The following TPTE2 variants were observed in gnomAD, a reference collection of about 807,000 sequenced individuals.
The protein encoded by TPTE2 is transmembrane phosphoinositide 3-phosphatase and tensin homolog 2.
A neutral mutation model predicts 78.6 loss-of-function variants in TPTE2; 53 were observed. The ratio of observed to expected loss-of-function variants is 0.67; its 90% CI spans 0.54 to 0.85. The LOEUF (loss-of-function observed/expected upper bound fraction) is 0.85. TPTE2 is among the 40% of genes least tolerant of loss of function. The probability of loss-of-function intolerance (pLI) is 0.00; values close to 1 mark genes in which losing one functional copy is unlikely to be tolerated. For synonymous variants in TPTE2, 175 were observed against 206.2 expected, an observed-to-expected ratio of 0.85 and a Z score of 1.30; for missense variants, 461 against 623.0, an observed-to-expected ratio of 0.74 and a Z score of 2.77.
chr13:19,495,688 C>T (rs1328179261), intron 1 of TPTE2, among the ~76,000 whole-genome samples: 1 of 152,252 alleles, frequency 6.6e-6, no homozygotes, highest in Non-Finnish European at 1.5e-5. Flanking sequence ...AACTGTATTC[C>T]TTGATATCGC....
intron 3 of TPTE2, among the ~76,000 whole-genome samples, chr13:19,490,703 G>A (rs1251203761): frequency 6.6e-6 from 1 of 152,162 alleles, no homozygotes; most frequent in Non-Finnish European, 1.5e-5. Context: ...CAGACCCAAG[G>A]CAGGGCCTGC....
chr13:19,452,719 G>T (rs1878256332), intron 10 of TPTE2, among the ~76,000 whole-genome samples: 1 of 152,068 alleles, frequency 6.6e-6, no homozygotes, highest in South Asian at 2.1e-4. Flanking sequence ...GTGGATACAA[G>T]AATACAATTG....
At chr13:19,443,414 T>TTC (rs1566042172) in intron 13 of TPTE2, among the ~76,000 whole-genome samples, 1 of 137,550 alleles carries the variant, frequency 7.3e-6, no homozygotes, top group Non-Finnish European at 1.6e-5. Context: ...TTTTTTTTGT[T>TTC]TCATTTTTTC....
chr13:19,492,840 T>C lies in TPTE2; in HGVS notation c.119+10A>G, dbSNP rs2137640164. ...ATGCATACGTGTGTCTTCATGTATT[T>C]ATAACTCACCTTTTACTGATAGGTG... On this transcript the variant is annotated intron_variant, in intron 3 of 19. Transcript: ENST00000400230. 3 of 1,613,876 alleles carry C rather than the reference T, an allele frequency of 1.9e-6. No homozygotes were observed. The highest frequency in any genetic ancestry group is 2.5e-6 in the Non-Finnish European group (3 of 1,179,776).
At chr13:19,429,056 C>T (rs943603684) in intron 17 of TPTE2, among the ~76,000 whole-genome samples, 14 of 152,294 alleles carry the variant, frequency 9.2e-5, no homozygotes, top group African/African-American at 3.1e-4. Flanking sequence ...ATTCCCATTA[C>T]ACTTGGATGT....
intron 1 of TPTE2, among the ~76,000 whole-genome samples, chr13:19,523,660 GA>G (rs1405123779): frequency 6.6e-6 from 1 of 152,018 alleles, no homozygotes; most frequent in African/African-American, 2.4e-5. Flanking sequence ...ATTTTTAGTA[GA>G]GACGGGGTTT....
At chr13:19,497,624 G>T (rs1290983652) in intron 1 of TPTE2, among the ~76,000 whole-genome samples, 1 of 123,636 alleles carries the variant, frequency 8.1e-6, no homozygotes, top group African/African-American at 2.6e-5. Flanking sequence ...AAACAGAAAG[G>T]ACATCCACAC....
At chr13:19,429,528 C>T (rs1876396678) in intron 17 of TPTE2, among the ~76,000 whole-genome samples, 1 of 152,194 alleles carries the variant, frequency 6.6e-6, no homozygotes, top group Admixed American at 6.5e-5. Context: ...GCATCTACCA[C>T]TCAGTGGGTG....
At chr13:19,510,923 A>G (rs1291533931) in intron 1 of TPTE2, among the ~76,000 whole-genome samples, 4 of 152,262 alleles carry the variant, frequency 2.6e-5, no homozygotes, top group Non-Finnish European at 5.9e-5. Flanking sequence ...GCAATATGTT[A>G]CCATCTATTA....
chr13:19,453,211 TAG>T (rs1163586504), intron 10 of TPTE2, among the ~76,000 whole-genome samples: 1 of 151,636 alleles, frequency 6.6e-6, no homozygotes, highest in Non-Finnish European at 1.5e-5. Context: ...GTATTTTTAG[TAG>T]AGACAGGGTT....
intron 17 of TPTE2, among the ~76,000 whole-genome samples, chr13:19,428,384 G>C (rs555161754): frequency 2.6e-5 from 4 of 152,208 alleles, no homozygotes; most frequent in African/African-American, 9.6e-5. Flanking sequence ...GGAGGCAGAG[G>C]TTGTGGTGAG....
chr13:19,475,233 T>C (rs983321356), intron 5 of TPTE2, among the ~76,000 whole-genome samples: 4 of 145,072 alleles, frequency 2.8e-5, no homozygotes, highest in African/African-American at 5.0e-5. Flanking sequence ...TTTTTTTTTC[T>C]TTTTTTTTTT....
At chr13:19,444,057 G>GGGAGGC (rs1186464918) in intron 13 of TPTE2, among the ~76,000 whole-genome samples, 3 of 152,048 alleles carry the variant, frequency 2.0e-5, no homozygotes. Flanking sequence ...CTAGCACTTT[G>GGGAGGC]GGAGGCGGAG....
intron 10 of TPTE2, among the ~76,000 whole-genome samples, chr13:19,461,933 C>CTT (rs60926599): frequency 0.021 from 2,824 of 134,336 alleles, 53 homozygotes; most frequent in South Asian, 0.095. Flanking sequence ...ACAGTTGGGT[C>CTT]TTTTTTTTTT....
At chr13:19,556,909 C>A in the TPTE2 span, among the ~76,000 whole-genome samples, 1 of 87,388 alleles carries the variant, frequency 1.1e-5, no homozygotes, top group Non-Finnish European at 3.2e-5. Flanking sequence ...TACTAGTAAA[C>A]CAAATTTAAT....
At chr13:19,504,002 A>G (rs1375154294), upstream of TPTE2, among the ~76,000 whole-genome samples, 1 of 150,712 alleles carries the variant, frequency 6.6e-6, no homozygotes, top group Non-Finnish European at 1.5e-5. Flanking sequence ...GGCCTCCCAA[A>G]GTGCTGGGAT....
chr13:19,555,268 C>T, the TPTE2 span, among the ~76,000 whole-genome samples: 2 of 152,046 alleles, frequency 1.3e-5, no homozygotes, highest in Non-Finnish European at 2.9e-5. Context: ...TATTACCTGT[C>T]GACTCTAGGA....
chr13:19,475,748 G>A (rs1879897750), intron 4 of TPTE2, 125 bp from the exon 8 acceptor site: 4 of 902,736 alleles, frequency 4.4e-6, no homozygotes, highest in Non-Finnish European at 6.4e-6. Context: ...ATAACAAAAT[G>A]CTTTTTACTA....
chr13:19,532,702 A>G (rs749922177), intron 1 of TPTE2, among the ~76,000 whole-genome samples: 1 of 152,168 alleles, frequency 6.6e-6, no homozygotes, highest in Non-Finnish European at 1.5e-5. Context: ...TCTCTTTCCT[A>G]TGAGCATGTT....
Sources: allele counts gnomAD v4.1 joint callset (sites outside exome capture counted in the v4.1 genomes callset), GRCh38; gene constraint gnomAD v4.1.1; transcripts MANE v1.5; gene names NCBI Gene and HGNC (gene_info 2026-07-23, HGNC 2026-07-21).